FBXO33: variants seen among roughly 807,000 people sequenced by gnomAD.
FBXO33 encodes the protein F-box protein 33, also known as F-box only protein 33.
FBXO33 carries 22 observed loss-of-function variants against 46.3 expected under a neutral mutation model. The observed-to-expected ratio is 0.48, with a 90% CI of 0.34 to 0.68. The LOEUF (loss-of-function observed/expected upper bound fraction) is 0.68. FBXO33 is among the 30% of genes least tolerant of loss of function. The pLI, the probability that FBXO33 is intolerant of heterozygous loss-of-function variation, is 0.01. For synonymous variants in FBXO33, 337 were observed against 291.3 expected (o/e 1.16, Z -1.60); for missense variants, 692 against 708.8 (o/e 0.98, Z 0.27).
chr14:39,413,469 G>C (rs2075433073), intron 1 of FBXO33, among the ~76,000 whole-genome samples: 1 of 152,148 alleles, frequency 6.6e-6, no homozygotes, highest in African/African-American at 2.4e-5. Context: ...ACAAAGTCCT[G>C]TTAATGTTGA....
chr14:39,428,523 CAACA>C (rs2139422484), intron 1 of FBXO33, among the ~76,000 whole-genome samples: 1 of 152,196 alleles, frequency 6.6e-6, no homozygotes, highest in South Asian at 2.1e-4. Flanking sequence ...TTCTCAACAA[CAACA>C]AAAAAGTACT....
At chr14:39,431,091 G>A (rs114315217) in intron 1 of FBXO33, among the ~76,000 whole-genome samples, 1,766 of 152,300 alleles carry the variant, frequency 0.012, 38 homozygotes, top group African/African-American at 0.041. Context: ...GAAAATGGCT[G>A]TTACAAAATT....
intron 1 of FBXO33, among the ~76,000 whole-genome samples, chr14:39,422,326 C>G (rs758512024): frequency 1.3e-5 from 2 of 152,124 alleles, no homozygotes; most frequent in Non-Finnish European, 2.9e-5. Context: ...TTGCTCATGC[C>G]CTGGTCTAAG....
intron 1 of FBXO33, among the ~76,000 whole-genome samples, chr14:39,403,117 AGAT>A (rs1022917392): frequency 1.3e-5 from 2 of 152,214 alleles, no homozygotes; most frequent in Non-Finnish European, 2.9e-5. Context: ...AATTTTATAG[AGAT>A]GATAATTACA....
chr14:39,424,944 TG>T lies in FBXO33; in HGVS notation c.599+6619del, dbSNP rs557761882. Reference sequence around the variant, plus strand: ...GGTGCATCCTGTAATCCCAGCTACTTGGGAGGCTGAGGCAGGAGAATCGCTT... The same window carrying T: ...GGTGCATCCTGTAATCCCAGCTACTTGGAGGCTGAGGCAGGAGAATCGCTT... On this transcript the variant is annotated intron_variant, in intron 1 of 3. Coordinates refer to ENST00000298097, the MANE Select transcript of FBXO33 (RefSeq NM_203301.4). Among the ~76,000 whole-genome samples, 31 of 151,942 alleles carry T rather than the reference TG, an allele frequency of 2.0e-4. No homozygotes were observed. In the South Asian group the frequency reaches 2.5e-3, roughly 12 times the overall value.
At chr14:39,408,674 A>AT (rs5808028) in intron 1 of FBXO33, among the ~76,000 whole-genome samples, 37,119 of 139,956 alleles carry the variant, frequency 0.27, 5,004 homozygotes, top group East Asian at 0.51. Context: ...CACCATGCCT[A>AT]TTTTTTTTTT....
rs552055658 is a variant in FBXO33, at chr14:39,412,155, G to A, written c.600-9644C>T. ...TGATTTATCCATTGTTGAGAGTTGT[G>A]TCTTGATGTCTTATTTTATTATTGT... On this transcript the variant is annotated intron_variant, in intron 1 of 3. Transcript: ENST00000298097. 6.0e-4 allele frequency among the ~76,000 whole-genome samples: 91 copies of A among 152,216 alleles called. No homozygotes were observed. The South Asian group carries it at 0.018, about 30-fold the overall frequency.
chr14:39,403,823 A>G (rs1322875127), intron 1 of FBXO33, among the ~76,000 whole-genome samples: 1 of 142,088 alleles, frequency 7.0e-6, no homozygotes, highest in Non-Finnish European at 1.5e-5. Flanking sequence ...TTTTTTGGAC[A>G]CAGTGTCTCA....
rs1021721051 is a variant in FBXO33, at chr14:39,432,232, A to C, written c.-70T>G. On this transcript the variant is annotated 5_prime_UTR_variant, in exon 1 of 4. Transcript: ENST00000298097. Reference sequence around the variant, plus strand: ...GAACCAAGTAGAACACAAGTTGTGGAGAGGGGGAAAGGCCTCTGCGGGCGT... The same window carrying C: ...GAACCAAGTAGAACACAAGTTGTGGCGAGGGGGAAAGGCCTCTGCGGGCGT... The C allele has an allele frequency of 1.4e-4, 165 of 1,146,328 alleles. No individual in the cohort carries two copies. The African/African-American group carries it at 2.4e-3, about 17-fold the overall frequency. The allele number at this position is 1,146,328 out of a possible 1,614,324, so 71.0% of individuals were successfully genotyped here.
chr14:39,419,364 A>T (rs1280154772), intron 1 of FBXO33, among the ~76,000 whole-genome samples: 1 of 152,246 alleles, frequency 6.6e-6, no homozygotes, highest in Non-Finnish European at 1.5e-5. Context: ...ACCATAAAAA[A>T]AATGACAACT....
In FBXO33 at chr14:39,401,864, A is replaced by G. The variant is rs368690413; in HGVS notation, c.711-3T>C. 1.5e-5 allele frequency: 24 copies of G among 1,604,698 alleles called. No homozygotes were observed. In the African/African-American group the frequency reaches 1.9e-4, roughly 13 times the overall value. On this transcript the variant is annotated splice_region_variant and splice_polypyrimidine_tract_variant and intron_variant, in intron 2 of 3. Transcript: ENST00000298097. ...TTTCTTCAAACAGTTGCTGAATTCT[A>G]TAAGGAAAACACATGCCACAGTGAT...
rs559751632 is a variant in FBXO33 at position 39,403,014 on chromosome 14, G to A, written c.600-503C>T. Among the ~76,000 whole-genome samples, 6 of 152,264 alleles carry A rather than the reference G, an allele frequency of 3.9e-5. No individual in the cohort carries two copies. In the South Asian group the frequency reaches 1.0e-3, roughly 26 times the overall value. ...CATGGAAAAGTCTCTTAATGTGCGT[G>A]AGACTCAATTCTTCATCAGTAATAA... On this transcript the variant is annotated intron_variant, in intron 1 of 3. Coordinates refer to ENST00000298097, the MANE Select transcript of FBXO33 (RefSeq NM_203301.4).
At chr14:39,417,967 CACAG>C (rs1567076860) in intron 1 of FBXO33, among the ~76,000 whole-genome samples, 2 of 152,162 alleles carry the variant, frequency 1.3e-5, no homozygotes, top group African/African-American at 4.8e-5. Flanking sequence ...TAAAACCATA[CACAG>C]ACTGTTATCC....
intron 1 of FBXO33, among the ~76,000 whole-genome samples, chr14:39,422,112 G>A (rs544469390): frequency 6.6e-6 from 1 of 152,224 alleles, no homozygotes; most frequent in African/African-American, 2.4e-5. Flanking sequence ...ACAAAAATTA[G>A]TCAGGCCTGG....
chr14:39,407,521 G>C (rs192423326), intron 1 of FBXO33, among the ~76,000 whole-genome samples: 1 of 152,282 alleles, frequency 6.6e-6, no homozygotes, highest in Non-Finnish European at 1.5e-5. Flanking sequence ...GACTATTTTA[G>C]ATACCTCACA....
rs61754302 is a variant in FBXO33, at chr14:39,401,390, T to C, written c.1182A>G (p.Leu394=). Residue 394 remains leucine, a synonymous_variant, in exon 3 of 4, where the codon CTA becomes CTG. Coordinates refer to ENST00000298097, the MANE Select transcript of FBXO33 (RefSeq NM_203301.4). ...MLKILKPSIP[L]ERIHFDSYIT... is the part of the protein sequence containing the mutation. ...TATAGCTATCAAAATGAATCCTCTC[T>C]AGTGGTATACTGGGTTTCAGAATCT... 2.2e-4 allele frequency: 361 copies of C among 1,614,108 alleles called. 1 individual carries two copies. The highest frequency in any genetic ancestry group is 3.0e-4 in the Non-Finnish European group (354 of 1,180,034).
In FBXO33 at chr14:39,401,110, C is replaced by T. The variant is rs529019319; in HGVS notation, c.1396+66G>A. 12 of 1,430,546 alleles carry T rather than the reference C, an allele frequency of 8.4e-6. No homozygotes were observed. The African/African-American group carries it at 1.4e-4, about 17-fold the overall frequency. 88.6% of individuals were successfully genotyped at this position (1,430,546 alleles called of 1,614,324 possible). ...GATACTATAAAGGTCAGTGCTATCT[C>T]TTTACTGGCAGAAAATGTTTTCGGT... On this transcript the variant is annotated intron_variant, in intron 3 of 3. Transcript: ENST00000298097.
chr14:39,406,776 G>T (rs904584469), intron 1 of FBXO33, among the ~76,000 whole-genome samples: 1 of 152,162 alleles, frequency 6.6e-6, no homozygotes, highest in African/African-American at 2.4e-5. Flanking sequence ...AGAGAGAACC[G>T]CTGGAAAGCA....
intron 1 of FBXO33, among the ~76,000 whole-genome samples, 155 bp from the exon 2 acceptor site, chr14:39,402,666 C>A (rs1342891519): frequency 2.7e-5 from 4 of 148,168 alleles, no homozygotes; most frequent in African/African-American, 9.9e-5. Context: ...TTGCTTTATA[C>A]ATATATTCAG....
Sources: allele counts gnomAD v4.1 joint callset (sites outside exome capture counted in the v4.1 genomes callset), GRCh38; gene constraint gnomAD v4.1.1; transcripts MANE v1.5; gene names NCBI Gene and HGNC (gene_info 2026-07-23, HGNC 2026-07-21).